The following MOSMO variants were observed in gnomAD, a reference collection of about 807,000 sequenced individuals.
The protein encoded by MOSMO is modulator of smoothened.
A neutral mutation model predicts 18.4 loss-of-function variants in MOSMO; 5 were observed. That is an observed-to-expected ratio of 0.27 (90% CI 0.14 to 0.57). The LOEUF (loss-of-function observed/expected upper bound fraction) is 0.57, where lower values mean the gene tolerates loss of function less well. Among genes scored for constraint, MOSMO ranks in the 20% least tolerant of loss-of-function variants. MOSMO has a pLI of 0.92. For synonymous variants in MOSMO, 82 were observed against 82.3 expected (o/e 1.00, Z 0.02); for missense variants, 138 against 211.8 (o/e 0.65, Z 2.16).
intron 1 of MOSMO, among the ~76,000 whole-genome samples, chr16:22,054,970 T>G (rs1002015727): frequency 6.6e-6 from 1 of 152,132 alleles, no homozygotes; most frequent in Non-Finnish European, 1.5e-5. Context: ...GGGGTTTTTT[T>G]TTTTTCTTTA....
intron 1 of MOSMO, among the ~76,000 whole-genome samples, chr16:22,072,064 G>A (rs184074649): frequency 6.6e-6 from 1 of 152,244 alleles, no homozygotes; most frequent in African/African-American, 2.4e-5. Context: ...TGTCCTGTTT[G>A]GGGATAAAAA....
At chr16:22,066,833 TAA>T (rs1322510496) in intron 1 of MOSMO, among the ~76,000 whole-genome samples, 2 of 152,140 alleles carry the variant, frequency 1.3e-5, no homozygotes, top group African/African-American at 4.8e-5. Flanking sequence ...AGTTTTCAAC[TAA>T]AAATTACAAG....
downstream of MOSMO, among the ~76,000 whole-genome samples, chr16:22,091,067 G>A (rs551814222): frequency 1.3e-5 from 2 of 152,020 alleles, no homozygotes; most frequent in African/African-American, 4.8e-5. Flanking sequence ...AAATTAGCCA[G>A]CCCCTTCCAC....
chr16:22,018,639 CA>C (rs1899689825), intron 1 of MOSMO, among the ~76,000 whole-genome samples: 1 of 152,106 alleles, frequency 6.6e-6, no homozygotes, highest in Non-Finnish European at 1.5e-5. Context: ...CTGAAATAAT[CA>C]GAGAGATTAT....
chr16:22,053,428 G>T (rs1253034071), intron 1 of MOSMO, among the ~76,000 whole-genome samples: 1 of 152,036 alleles, frequency 6.6e-6, no homozygotes, highest in Non-Finnish European at 1.5e-5. Flanking sequence ...GACTGCATGG[G>T]TCATTTAAAA....
chr16:22,023,303 C>T (rs1282466458), intron 1 of MOSMO, among the ~76,000 whole-genome samples: 1 of 152,100 alleles, frequency 6.6e-6, no homozygotes, highest in Non-Finnish European at 1.5e-5. Flanking sequence ...TCCTAGAAAC[C>T]TCATACTCTT....
At chr16:22,024,121 T>A (rs1053047495) in intron 1 of MOSMO, among the ~76,000 whole-genome samples, 11 of 151,738 alleles carry the variant, frequency 7.2e-5, no homozygotes, top group African/African-American at 2.7e-4. Context: ...ACCTTTGTTT[T>A]AAAATTATAT....
downstream of MOSMO, chr16:22,085,119 G>T (rs1219930782): frequency 6.6e-6 from 1 of 152,200 alleles, no homozygotes; most frequent in Admixed American, 6.5e-5. Flanking sequence ...AAATACAGAG[G>T]CCTTTAGGCC....
intron 1 of MOSMO, among the ~76,000 whole-genome samples, chr16:22,049,496 A>T (rs930686987): frequency 1.3e-5 from 2 of 152,176 alleles, no homozygotes; most frequent in African/African-American, 4.8e-5. Flanking sequence ...TCTGTATGCC[A>T]TCTTATATGA....
At chr16:22,021,780 AGAGT>A (rs1314599831) in intron 1 of MOSMO, among the ~76,000 whole-genome samples, 4 of 152,060 alleles carry the variant, frequency 2.6e-5, no homozygotes, top group African/African-American at 7.2e-5. Flanking sequence ...CCTGGGTGAC[AGAGT>A]GAGACCCTGT....
chr16:22,016,704 C>G (rs777241543), intron 1 of MOSMO, among the ~76,000 whole-genome samples: 4 of 152,124 alleles, frequency 2.6e-5, no homozygotes, highest in Admixed American at 2.0e-4. Context: ...CCCTGTCCTA[C>G]TATTTACGAG....
chr16:22,049,456 A>G (rs2052414441), intron 1 of MOSMO, among the ~76,000 whole-genome samples: 1 of 152,268 alleles, frequency 6.6e-6, no homozygotes, highest in South Asian at 2.1e-4. Context: ...GGAAAGACTG[A>G]ATTTTTAAAA....
intron 1 of MOSMO, among the ~76,000 whole-genome samples, chr16:22,029,715 C>T (rs1173289857): frequency 6.6e-6 from 1 of 152,122 alleles, no homozygotes; most frequent in Admixed American, 6.6e-5. Flanking sequence ...AGCCTTGACG[C>T]CCTAGGCTCA....
rs891712116 is a variant in MOSMO, at chr16:22,053,163, A to G, written c.107-22324A>G. Among the ~76,000 whole-genome samples, 7 of 148,962 alleles carry G rather than the reference A, an allele frequency of 4.7e-5. No homozygotes were observed. In the South Asian group the frequency reaches 1.5e-3, roughly 32 times the overall value. ...TTTTTAGTAGCGATGGGGTTTTGTCATGTTGGTCTGGCATGTCTCCAACTC... is the reference window on the plus strand; with the variant it reads ...TTTTTAGTAGCGATGGGGTTTTGTCGTGTTGGTCTGGCATGTCTCCAACTC... On this transcript the variant is annotated intron_variant, in intron 1 of 2. Transcript: ENST00000542527.
At chr16:22,021,860 T>C (rs909667167) in intron 1 of MOSMO, among the ~76,000 whole-genome samples, 2 of 152,078 alleles carry the variant, frequency 1.3e-5, no homozygotes, top group Non-Finnish European at 2.9e-5. Context: ...GGTTCTGTTG[T>C]TTACCAGCTG....
intron 1 of MOSMO, among the ~76,000 whole-genome samples, chr16:22,010,145 C>T (rs907980512): frequency 2.6e-5 from 4 of 152,158 alleles, no homozygotes; most frequent in African/African-American, 9.7e-5. Flanking sequence ...TTCTCTCCCC[C>T]AATCTAGACC....
chr16:22,008,136 C>G lies in MOSMO; in HGVS notation c.-166C>G. 1 of 149,516 alleles carries G rather than the reference C, an allele frequency of 6.7e-6. No homozygotes were observed. Among genetic ancestry groups the G allele is most frequent in the Non-Finnish European group, 1.5e-5 (1 of 68,692 alleles). The allele number at this position is 149,516 out of a possible 1,614,324, so 9.3% of individuals were successfully genotyped here. ...GGTTCCGTCTGTGCGGGCCGCGCCG[C>G]GGCTGCTGGTCCCGGGCGCGCGGAG... is the stretch of plus-strand genomic sequence containing the variant. On this transcript the variant is annotated 5_prime_UTR_variant, in exon 1 of 3. Transcript: ENST00000542527.
In MOSMO at chr16:22,082,060, T is replaced by C. The variant is rs1598029371; in HGVS notation, c.*1180T>C. 1 of 152,282 alleles carries C rather than the reference T, an allele frequency of 6.6e-6. No individual in the cohort carries two copies. Among genetic ancestry groups the C allele is most frequent in the Non-Finnish European group, 1.5e-5 (1 of 68,010 alleles). The allele number at this position is 152,282 out of a possible 1,614,324, so 9.4% of individuals were successfully genotyped here. ...CAGTCTGTTACATTAATAATGCATTTTATATGTTCAGGCACACTTTACATA... is the reference window on the plus strand; with the variant it reads ...CAGTCTGTTACATTAATAATGCATTCTATATGTTCAGGCACACTTTACATA... On this transcript the variant is annotated 3_prime_UTR_variant, in exon 3 of 3. Transcript: ENST00000542527.
chr16:22,055,585 T>A (rs1900516508), intron 1 of MOSMO, among the ~76,000 whole-genome samples: 1 of 152,174 alleles, frequency 6.6e-6, no homozygotes, highest in South Asian at 2.1e-4. Context: ...CGGAGGCAAA[T>A]ACAAGTGACA....
Sources: gnomAD v4.1 joint callset for allele counts (sites outside exome capture counted in the v4.1 genomes callset) on GRCh38, gnomAD v4.1.1 for gene constraint, MANE v1.5 for transcripts, NCBI Gene and HGNC (gene_info 2026-07-23, HGNC 2026-07-21) for gene names.